Variants in POLE observed in about 807,000 individuals in gnomAD.
The protein encoded by POLE is DNA polymerase epsilon catalytic subunit A.
In POLE, 188 loss-of-function variants were observed where a neutral mutation model predicts 279.2. That is an observed-to-expected ratio of 0.67 (90% confidence interval 0.60 to 0.76). POLE has a LOEUF of 0.76. Ranked by LOEUF, POLE falls within the 30% of genes least tolerant of loss-of-function variation. The pLI is 0.00. For synonymous variants in POLE, 1,214 were observed against 1,172.5 expected (o/e 1.04, Z -0.72); for missense variants, 2,703 against 3,016.7 (o/e 0.90, Z 2.44).
At chr12:132,648,683 T>C in intron 32 of POLE, 1 of 416,648 alleles carries the variant, frequency 2.4e-6, no homozygotes, top group Non-Finnish European at 4.3e-6. Flanking sequence ...TGCCACTTGG[T>C]TTGTCCCCGC....
rs2042153715 is a variant in POLE, at chr12:132,641,921, C to T, written c.5174-70G>A. 3.5e-6 allele frequency: 5 copies of T among 1,441,022 alleles called. No individual in the cohort carries two copies. In the Admixed American group the frequency reaches 5.1e-5, roughly 15 times the overall value. 89.3% of individuals were successfully genotyped at this position (1,441,022 alleles called of 1,614,324 possible). On this transcript the variant is annotated intron_variant, in intron 38 of 48. Transcript: ENST00000320574. ...AGCACCACCAGCCCCCTGGGCCTGA[C>T]TCCAGCCACCACCACCTCCAGAACC... is the stretch of plus-strand genomic sequence containing the variant.
intron 16 of POLE, among the ~76,000 whole-genome samples, chr12:132,670,696 T>G (rs901894362): frequency 5.9e-5 from 9 of 151,954 alleles, no homozygotes; most frequent in African/African-American, 2.2e-4. Flanking sequence ...GGTTTCACCG[T>G]GTTAGCCAGG....
In POLE at chr12:132,624,806, A is replaced by G; in HGVS notation, c.6752T>C (p.Phe2251Ser). ...DFALTIHTQV[F>S]MEQIGIFRNI... is the part of the protein sequence containing the mutation. Reference sequence around the variant, plus strand: ...CCGGAATATTCCGATCTGTTCCATGAAGACCTGCAGGAATAAACAGGCACA... The same window carrying G: ...CCGGAATATTCCGATCTGTTCCATGGAGACCTGCAGGAATAAACAGGCACA... The change falls in exon 49 of 49, where the codon TTC becomes TCC. Residue 2251 changes from phenylalanine to serine, a missense_variant. Transcript: ENST00000320574. The G allele has an allele frequency of 6.2e-7, 1 of 1,610,398 alleles. No homozygotes were observed. The highest frequency in any genetic ancestry group is 8.5e-7 in the Non-Finnish European group (1 of 1,176,584).
Position 132,642,976 on chromosome 12 carries a change from G to A in POLE, c.4572C>T (p.Pro1524=), listed in dbSNP as rs766050469. 2.5e-6 allele frequency: 4 copies of A among 1,594,128 alleles called. No homozygotes were observed. Among genetic ancestry groups the A allele is most frequent in the South Asian group, 1.1e-5 (1 of 87,986 alleles). The change falls in exon 36 of 49, where the codon CCC becomes CCT. Residue 1524 remains proline (P), a synonymous_variant. Transcript: ENST00000320574. ...CTGCTGAGTACAGGGCGCCAAGGCT[G>A]GGCATCTGGTTGCTGCGCACCTAGA... is the stretch of plus-strand genomic sequence containing the variant. ...VLDTVRSNQM[P]SLGALYSAEH...
Position 132,677,562 on chromosome 12 carries a change from A to G in POLE, c.720+16T>C, listed in dbSNP as rs200320553. The G allele has an allele frequency of 4.5e-5, 73 of 1,614,112 alleles. No individual in the cohort carries two copies. The highest frequency in any genetic ancestry group is 5.4e-5 in the Non-Finnish European group (64 of 1,179,978). ...GGAAATTCATGTGAGCAGCGACCCAACCCTGCCCCACTCACCACGTGGATC... is the reference window on the plus strand; with the variant it reads ...GGAAATTCATGTGAGCAGCGACCCAGCCCTGCCCCACTCACCACGTGGATC... On this transcript the variant is annotated intron_variant, in intron 7 of 48. Coordinates refer to ENST00000320574, the MANE Select transcript of POLE (RefSeq NM_006231.4).
rs201596750 is a variant in POLE at position 132,642,423 on chromosome 12, G to A, written c.4953-26C>T. On this transcript the variant is annotated intron_variant, in intron 37 of 48. Coordinates refer to ENST00000320574, the MANE Select transcript of POLE (RefSeq NM_006231.4). ...CTGCACCAGGGCACAGGTCAGCACC[G>A]GGGCACATCGCCGGGTCACAGAGAC... is the stretch of plus-strand genomic sequence containing the variant. 17 of 1,591,552 alleles carry A rather than the reference G, an allele frequency of 1.1e-5. No homozygotes were observed. The East Asian group carries it at 1.1e-4, about 11-fold the overall frequency.
chr12:132,662,530 C>T (rs1013553724), intron 23 of POLE, among the ~76,000 whole-genome samples: 2 of 152,150 alleles, frequency 1.3e-5, no homozygotes, highest in Admixed American at 6.6e-5. Context: ...TGTGTGCGTG[C>T]GTTACTAGAG....
intron 47 of POLE, chr12:132,625,324 A>T (rs2041811662): frequency 8.3e-6 from 6 of 725,298 alleles, no homozygotes; most frequent in Admixed American, 7.0e-5. Context: ...GCCTCTGCTC[A>T]GATGCCCCTC....
At chr12:132,685,937 G>A (rs555257297) in intron 1 of POLE, among the ~76,000 whole-genome samples, 1 of 151,818 alleles carries the variant, frequency 6.6e-6, no homozygotes, top group Admixed American at 6.6e-5. Flanking sequence ...GTGCAATGGC[G>A]CGATCTCGGT....
Position 132,680,702 on chromosome 12 carries a change from G to A in POLE, c.205-15C>T. 2 of 1,599,322 alleles carry A rather than the reference G, an allele frequency of 1.3e-6. No individual in the cohort carries two copies. Among genetic ancestry groups the A allele is most frequent in the Non-Finnish European group, 1.7e-6 (2 of 1,166,580 alleles). The stretch of plus-strand genomic sequence containing the variant: ...AAAATCTCGGTCTACAAGAGAATCA[G>A]TCAACACAGACACAAGACCATCCTC... On this transcript the variant is annotated splice_polypyrimidine_tract_variant and intron_variant, in intron 2 of 48. Coordinates refer to ENST00000320574, the MANE Select transcript of POLE (RefSeq NM_006231.4).
At chr12:132,643,123 C>A in intron 35 of POLE, 101 bp downstream of exon 35, 3 of 1,486,310 alleles carry the variant, frequency 2.0e-6, no homozygotes, top group Non-Finnish European at 2.8e-6. Context: ...GGCAAAGGCC[C>A]TTGAGGACAA....
chr12:132,666,246 T>C (rs1326439671), intron 20 of POLE, among the ~76,000 whole-genome samples: 2 of 152,272 alleles, frequency 1.3e-5, no homozygotes, highest in Admixed American at 6.5e-5. Flanking sequence ...TTCAGCCATT[T>C]ACAAAAATAC....
At chr12:132,672,510 C>G (rs540267564) in intron 15 of POLE, 117 bp downstream of exon 15, 3 of 1,205,434 alleles carry the variant, frequency 2.5e-6, no homozygotes, top group African/African-American at 3.0e-5. Context: ...AAGCCACACC[C>G]GGTGAGGGGC....
chr12:132,657,088 T>G, intron 29 of POLE, 48 bp downstream of exon 29: 1 of 1,601,482 alleles, frequency 6.2e-7, no homozygotes, highest in Middle Eastern at 1.7e-4. Context: ...TGGAGTCCTG[T>G]GTGTCACAAG....
rs754730369 is a variant in POLE at position 132,677,380 on chromosome 12, C to A, written c.784G>T (p.Asp262Tyr). The change falls in exon 8 of 49, where the codon GAC becomes TAC. Residue 262 changes from aspartate to tyrosine, a missense_variant. Physicochemically the swap from Asp to Tyr is radical, Grantham distance 160 (BLOSUM62 -3). Transcript: ENST00000320574. ...AAACTTACAGGTCGTTCAACAAGGT[C>A]ATCTCGGCGGGTGATTTCTACCGGA... ...AFPVEITRRD[D>Y]LVERPDPVVL... 6.2e-7 allele frequency: 1 copy of A among 1,613,980 alleles called. No homozygotes were observed. The highest frequency in any genetic ancestry group is 1.1e-5 in the South Asian group (1 of 91,062).
chr12:132,639,663 C>T lies in POLE; in HGVS notation c.5379-365G>A, dbSNP rs1426793094. Among the ~76,000 whole-genome samples, 2 of 152,180 alleles carry T rather than the reference C, an allele frequency of 1.3e-5. No individual in the cohort carries two copies. The highest frequency in any genetic ancestry group is 2.9e-5 in the Non-Finnish European group (2 of 68,032). ...AGCCACTGCCTAGACATCAGAACAC[C>T]ACACTAGGCCGGATGCAGAGGCTCA... On this transcript the variant is annotated intron_variant, in intron 39 of 48. Transcript: ENST00000320574. The surrounding 1 kb of genome is among the most constrained non-coding windows in gnomAD (Gnocchi z 4.7).
chr12:132,680,810 C>A, intron 2 of POLE, 123 bp from the exon 3 acceptor site: 1 of 752,160 alleles, frequency 1.3e-6, no homozygotes, highest in Non-Finnish European at 2.3e-6. Flanking sequence ...GTCTTTACTC[C>A]ACCCCTACAT....
intron 43 of POLE, chr12:132,633,308 T>C (rs1167847985): frequency 6.5e-6 from 1 of 154,526 alleles, no homozygotes; most frequent in East Asian, 1.9e-4. Context: ...GTATTAAAGG[T>C]GTGCGCACCA....
chr12:132,657,066 G>A (rs762617260), intron 29 of POLE, 70 bp downstream of exon 29: 15 of 1,531,778 alleles, frequency 9.8e-6, no homozygotes, highest in African/African-American at 2.7e-5. Context: ...ACACACAGCA[G>A]CGCAAGAAGC....
Sources: allele counts gnomAD v4.1 joint callset (sites outside exome capture counted in the v4.1 genomes callset), GRCh38; gene constraint gnomAD v4.1.1; non-coding constraint Gnocchi (gnomAD v3.1); transcripts MANE v1.5; gene names NCBI Gene and HGNC (gene_info 2026-07-23, HGNC 2026-07-21).